The following SHOX variants were observed in gnomAD, a reference collection of about 807,000 sequenced individuals.
SHOX encodes short stature homeobox protein.
In SHOX, 12 loss-of-function variants were observed where a neutral mutation model predicts 29.6. The observed-to-expected ratio is 0.41, with a 90% confidence interval of 0.26 to 0.66. The LOEUF is 0.66. Among genes scored for constraint, SHOX ranks in the 30% least tolerant of loss-of-function variants. The pLI is 0.35. For synonymous variants in SHOX, 214 were observed against 200.6 expected, an observed-to-expected ratio of 1.07 and a Z score of -0.57; for missense variants, 499 against 437.7, an observed-to-expected ratio of 1.14 and a Z score of -1.25.
chrX:634,853 G>T (rs776690769), intron 2 of SHOX, 27 bp downstream of exon 2: 31 of 1,546,196 alleles, frequency 2.0e-5, no homozygotes, highest in African/African-American at 4.1e-5. Flanking sequence ...GGGGGCGGGG[G>T]GCCCGGAGCC....
upstream of SHOX, chrX:630,703 G>C: frequency 1.5e-6 from 1 of 674,506 alleles, no homozygotes; most frequent in Non-Finnish European, 2.6e-6. Context: ...CGCGGAGCCC[G>C]GAGACCAGTA....
At chrX:658,044 G>T (rs750476161) in intron 5 of SHOX, among the ~76,000 whole-genome samples, 2 of 151,340 alleles carry the variant, frequency 1.3e-5, no homozygotes, top group Non-Finnish European at 2.9e-5. Context: ...GCGTGATCTC[G>T]GCTCACTGCA....
chrX:644,704 T>C lies in SHOX; in HGVS notation c.*68T>C, dbSNP rs1432371960. Reference sequence around the variant, plus strand: ...CGCACCCCGCCTGCACCGCGCGTCCTGCACTCAACCCCGCCTGGAGCTCCT... The same window carrying C: ...CGCACCCCGCCTGCACCGCGCGTCCCGCACTCAACCCCGCCTGGAGCTCCT... On this transcript the variant is annotated 3_prime_UTR_variant, in exon 5 of 5. Transcript: ENST00000686671. 2.3e-5 allele frequency: 31 copies of C among 1,357,094 alleles called. No homozygotes were observed. The highest frequency in any genetic ancestry group is 5.4e-4 in the Middle Eastern group (2 of 3,702). 84.1% of individuals were successfully genotyped at this position (1,357,094 alleles called of 1,614,324 possible).
At chrX:629,698 C>A (rs1339251297), upstream of SHOX, among the ~76,000 whole-genome samples, 1 of 152,098 alleles carries the variant, frequency 6.6e-6, no homozygotes, top group Non-Finnish European at 1.5e-5. Context: ...CAGGCCCCGC[C>A]GGGGAGGAAG....
At chrX:644,021 TC>T (rs779612475) in intron 4 of SHOX, among the ~76,000 whole-genome samples, 21 of 64,094 alleles carry the variant, frequency 3.3e-4, no homozygotes, top group Non-Finnish European at 4.3e-4. Flanking sequence ...GGACCTGGTG[TC>T]CCCGGGAGAG....
downstream of SHOX, among the ~76,000 whole-genome samples, chrX:651,926 ATT>A (rs61105511): frequency 6.7e-6 from 1 of 148,380 alleles, no homozygotes; most frequent in African/African-American, 2.5e-5. Context: ...TAATTAATTT[ATT>A]TTTTTTTTTG....
At chrX:625,380 T>A (rs1488192218) in intron 1 of SHOX, among the ~76,000 whole-genome samples, 1 of 151,894 alleles carries the variant, frequency 6.6e-6, no homozygotes, top group Non-Finnish European at 1.5e-5. Context: ...AGGCATTTCA[T>A]ACAGGGAGGC....
At chrX:634,864 A>T in intron 2 of SHOX, 38 bp downstream of exon 2, 1 of 1,541,216 alleles carries the variant, frequency 6.5e-7, no homozygotes, top group Non-Finnish European at 8.8e-7. Flanking sequence ...GCCCGGAGCC[A>T]TCGCCTGGTC....
intron 4 of SHOX, among the ~76,000 whole-genome samples, chrX:641,546 G>A (rs754190878): frequency 1.7e-4 from 26 of 152,134 alleles, no homozygotes; most frequent in Middle Eastern, 3.4e-3. Context: ...AAGCTTAGCC[G>A]GGCGTGGTGG....
intron 1 of SHOX, among the ~76,000 whole-genome samples, chrX:625,699 C>T (rs55747259): frequency 1.6e-5 from 1 of 64,152 alleles, no homozygotes; most frequent in East Asian, 3.1e-4. Flanking sequence ...CTTCCTCTGT[C>T]TCTCTTTCTA....
chrX:640,803 T>C lies in SHOX; in HGVS notation c.487-18T>C. 1 of 1,613,828 alleles carries C rather than the reference T, an allele frequency of 6.2e-7. No homozygotes were observed. Among genetic ancestry groups the C allele is most frequent in the Non-Finnish European group, 8.5e-7 (1 of 1,179,820 alleles). On this transcript the variant is annotated intron_variant, in intron 2 of 4. Coordinates refer to ENST00000686671, the MANE Select transcript of SHOX (RefSeq NM_000451.4). Reference sequence around the variant, plus strand: ...GGGTTCACAGGGCTCTTCACATCTCTCTCTGCTTCTCCCCAAGGTTTGGTT... The same window carrying C: ...GGGTTCACAGGGCTCTTCACATCTCCCTCTGCTTCTCCCCAAGGTTTGGTT...
At chrX:625,904 T>C (rs1448305945), upstream of SHOX, among the ~76,000 whole-genome samples, 1 of 146,250 alleles carries the variant, frequency 6.8e-6, no homozygotes, top group Non-Finnish European at 1.5e-5. Flanking sequence ...TCTCTTTCTC[T>C]GTCTCTGTCT....
downstream of SHOX, among the ~76,000 whole-genome samples, chrX:652,206 C>T (rs964752478): frequency 5.9e-5 from 9 of 152,002 alleles, no homozygotes; most frequent in Non-Finnish European, 1.2e-4. Flanking sequence ...GTGCTTTTAA[C>T]TTTTATTTTG....
intron 1 of SHOX, among the ~76,000 whole-genome samples, chrX:625,464 C>G (rs1173236827): frequency 6.6e-6 from 1 of 151,986 alleles, no homozygotes; most frequent in African/African-American, 2.4e-5. Flanking sequence ...TTCTCTCTCT[C>G]GCTGTCTCTC....
chrX:641,806 C>A (rs1166922155), intron 4 of SHOX, among the ~76,000 whole-genome samples: 5 of 152,160 alleles, frequency 3.3e-5, no homozygotes, highest in Admixed American at 6.5e-5. Flanking sequence ...CAGTCAGGCA[C>A]CCCCACCTGG....
At chrX:652,339 A>ATTTTTTT (rs1220969889), downstream of SHOX, among the ~76,000 whole-genome samples, 17 of 87,148 alleles carry the variant, frequency 2.0e-4, no homozygotes, top group South Asian at 3.4e-3. Flanking sequence ...AAAAATGACA[A>ATTTTTTT]ATTTTTTTTT....
chrX:625,114 C>T (rs1467313123), intron 1 of SHOX, among the ~76,000 whole-genome samples: 1 of 132,618 alleles, frequency 7.5e-6, no homozygotes, highest in Non-Finnish European at 1.5e-5. Context: ...TTTCTTCTTT[C>T]TTTCTTTCTC....
chrX:634,905 C>G, intron 2 of SHOX, 79 bp downstream of exon 2: 1 of 1,441,886 alleles, frequency 6.9e-7, no homozygotes, highest in African/African-American at 1.4e-5. Context: ...GTACAGCCAC[C>G]TGCGCCCGGG....
chrX:655,781 G>GTTAA (rs1211474452), downstream of SHOX, among the ~76,000 whole-genome samples: 4 of 151,982 alleles, frequency 2.6e-5, no homozygotes, highest in African/African-American at 7.2e-5. Flanking sequence ...CAATCTGTTC[G>GTTAA]TGTTTAAAGA....
Sources: allele counts gnomAD v4.1 joint callset (sites outside exome capture counted in the v4.1 genomes callset), GRCh38; gene constraint gnomAD v4.1.1; transcripts MANE v1.5; gene names NCBI Gene and HGNC (gene_info 2026-07-23, HGNC 2026-07-21).